Variants in GATAD2A observed in about 807,000 individuals in gnomAD.
GATAD2A encodes the protein transcriptional repressor p66-alpha.
In GATAD2A, 12 loss-of-function variants were observed where a neutral mutation model predicts 68.5. The ratio of observed to expected loss-of-function variants is 0.18; its 90% CI spans 0.11 to 0.28. The LOEUF (loss-of-function observed/expected upper bound fraction) is 0.28. GATAD2A is among the 10% of genes least tolerant of loss of function. The pLI is 1.00. For synonymous variants in GATAD2A, 410 were observed against 375.3 expected (o/e 1.09, Z -1.07); for missense variants, 755 against 868.5 (o/e 0.87, Z 1.64).
chr19:19,423,515 A>G (rs1286358942), intron 1 of GATAD2A, among the ~76,000 whole-genome samples: 1 of 152,238 alleles, frequency 6.6e-6, no homozygotes, highest in Non-Finnish European at 1.5e-5. Context: ...AGGCCCTGAG[A>G]ATCCTGGGCT....
chr19:19,401,044 G>A (rs1380931738), upstream of GATAD2A, among the ~76,000 whole-genome samples: 2 of 150,154 alleles, frequency 1.3e-5, no homozygotes, highest in African/African-American at 2.5e-5. Flanking sequence ...AGAGGCTGCG[G>A]CACAAGAATC....
At position 19,453,768 on chromosome 19, in the gene GATAD2A, C is replaced by T. The variant is rs1454873868; in HGVS notation, c.-6-11572C>T. 2.0e-5 allele frequency among the ~76,000 whole-genome samples: 3 copies of T among 152,022 alleles called. No individual in the cohort carries two copies. In the East Asian group the frequency reaches 5.8e-4, roughly 29 times the overall value. ...CTCAGCTCACTGCAACCTCCACCTC[C>T]TGGGTTCAAGCAGTTCTCCCGAGTA... On this transcript the variant is annotated intron_variant, in intron 1 of 11. Coordinates refer to ENST00000683918, the MANE Select transcript of GATAD2A (RefSeq NM_001384528.1).
At chr19:19,424,975 G>A (rs1053044265) in intron 1 of GATAD2A, among the ~76,000 whole-genome samples, 6 of 151,480 alleles carry the variant, frequency 4.0e-5, no homozygotes, top group African/African-American at 1.5e-4. Context: ...GTGTGGTGCA[G>A]TCATTGACAC....
Position 19,508,286 on chromosome 19 carries a change from C to T in GATAD2A, c.*2812C>T, listed in dbSNP as rs1345793835. 3 of 152,318 alleles carry T rather than the reference C, an allele frequency of 2.0e-5. No homozygotes were observed. The highest frequency in any genetic ancestry group is 7.2e-5 in the African/African-American group (3 of 41,448). 9.4% of individuals were successfully genotyped at this position (152,318 alleles called of 1,614,324 possible). On this transcript the variant is annotated 3_prime_UTR_variant, in exon 12 of 12. Transcript: ENST00000683918. ...TTGGAATGGCCAAGTGCCCTTGGAA[C>T]CTCCCACAGCTATGGCCGTCCTGAC...
intron 1 of GATAD2A, among the ~76,000 whole-genome samples, chr19:19,421,886 A>G (rs1044415593): frequency 6.6e-6 from 1 of 151,422 alleles, no homozygotes. Flanking sequence ...CAGTGGTGCA[A>G]TCTTGGCTCA....
rs1005946697 is a variant in GATAD2A, at chr19:19,506,048, C to T, written c.*574C>T. 1.2e-4 allele frequency: 49 copies of T among 398,740 alleles called. No individual in the cohort carries two copies. The highest frequency in any genetic ancestry group is 2.2e-4 in the Admixed American group (5 of 22,684). The allele number at this position is 398,740 out of a possible 1,614,324, so 24.7% of individuals were successfully genotyped here. A position where few individuals can be genotyped will look rare whatever the true frequency, so the allele number is the denominator to read the frequency against. ...TGCAGACCCTGGGGTCCCTGTTGTA[C>T]GCTGCATCATCCCGCTGGCCCTGTG... On this transcript the variant is annotated 3_prime_UTR_variant, in exon 12 of 12. Transcript: ENST00000683918.
At position 19,495,891 on chromosome 19, in the gene GATAD2A, C is replaced by G; in HGVS notation, c.756+6C>G. The stretch of plus-strand genomic sequence containing the variant: ...CACTCGTCAGGGGGGCTCAGGTAAG[C>G]AGGGCTGTGCACATGGGGGAGACCT... On this transcript the variant is annotated splice_donor_region_variant and intron_variant, in intron 6 of 11. Transcript: ENST00000683918. The G allele has an allele frequency of 6.2e-7, 1 of 1,609,588 alleles. No homozygotes were observed. The highest frequency in any genetic ancestry group is 8.5e-7 in the Non-Finnish European group (1 of 1,177,086).
rs778998755 is a variant in GATAD2A at position 19,502,385 on chromosome 19, A to G, written c.1633A>G (p.Thr545Ala). 3 of 1,613,708 alleles carry G rather than the reference A, an allele frequency of 1.9e-6. No homozygotes were observed. In the South Asian group the frequency reaches 3.3e-5, roughly 18 times the overall value. The part of the protein sequence containing the change: ...SATTPRGVLH[T>A]FSPSPKLQNS... Reference sequence around the variant, plus strand: ...CACGACGCCCCGAGGTGTCCTGCACACGTTCAGTCCGTCACCCAAACTGCA... The same window carrying G: ...CACGACGCCCCGAGGTGTCCTGCACGCGTTCAGTCCGTCACCCAAACTGCA... The change falls in exon 11 of 12, where the codon ACG (threonine) becomes GCG (alanine). Residue 545 changes from threonine to alanine, a missense_variant. Coordinates refer to ENST00000683918, the MANE Select transcript of GATAD2A (RefSeq NM_001384528.1).
intron 7 of GATAD2A, among the ~76,000 whole-genome samples, chr19:19,496,563 C>T (rs1395058496): frequency 6.6e-6 from 1 of 152,222 alleles, no homozygotes; most frequent in Non-Finnish European, 1.5e-5. Flanking sequence ...ATAGTCGAGG[C>T]CCAGGAGAGG....
intron 1 of GATAD2A, among the ~76,000 whole-genome samples, chr19:19,429,978 C>T (rs969588803): frequency 3.3e-5 from 5 of 152,040 alleles, no homozygotes; most frequent in Non-Finnish European, 7.4e-5. Context: ...GACTTCTTGG[C>T]GGCAGCTTGC....
At chr19:19,395,044 T>A (rs2049125100) in intron 1 of GATAD2A, among the ~76,000 whole-genome samples, 1 of 152,214 alleles carries the variant, frequency 6.6e-6, no homozygotes, top group African/African-American at 2.4e-5. Flanking sequence ...ACTGTGCATG[T>A]GACCAGGCTC....
intron 2 of GATAD2A, among the ~76,000 whole-genome samples, chr19:19,467,495 T>TA (rs2057963437): frequency 6.6e-6 from 1 of 152,212 alleles, no homozygotes; most frequent in South Asian, 2.1e-4. Flanking sequence ...TTTGGTACTT[T>TA]AAATAAGTGG....
At position 19,405,916 on chromosome 19, in the gene GATAD2A, C is replaced by T. The variant is rs1265856936; in HGVS notation, c.-110C>T. The T allele has an allele frequency of 6.9e-6, 1 of 145,890 alleles. No homozygotes were observed. The highest frequency in any genetic ancestry group is 1.5e-5 in the Non-Finnish European group (1 of 65,712). The allele number at this position is 145,890 out of a possible 1,614,324, so 9.0% of individuals were successfully genotyped here. A position where few individuals can be genotyped will look rare whatever the true frequency, so the allele number is the denominator to read the frequency against. Reference sequence around the variant, plus strand: ...CCACAGGCGGAACGAGCGCGCGCGGCCCGGCGTCCCCGGCCCCTCCGCCGC... The same window carrying T: ...CCACAGGCGGAACGAGCGCGCGCGGTCCGGCGTCCCCGGCCCCTCCGCCGC... On this transcript the variant is annotated 5_prime_UTR_variant, in exon 1 of 12. Transcript: ENST00000683918.
chr19:19,498,976 G>A (rs892559756), intron 8 of GATAD2A, among the ~76,000 whole-genome samples: 4 of 152,210 alleles, frequency 2.6e-5, no homozygotes, highest in African/African-American at 9.6e-5. Flanking sequence ...CGTGACGTTG[G>A]CGTGTGGTGG....
intron 1 of GATAD2A, chr19:19,464,649 T>C (rs1172905174): frequency 6.6e-6 from 1 of 152,460 alleles, no homozygotes; most frequent in African/African-American, 2.4e-5. Context: ...CAGCTGTTTT[T>C]TTCTTCTTTT....
chr19:19,419,291 G>A (rs190782714), intron 1 of GATAD2A, among the ~76,000 whole-genome samples: 28 of 152,274 alleles, frequency 1.8e-4, no homozygotes, highest in Middle Eastern at 3.4e-3. Flanking sequence ...CCCAGGCCGG[G>A]TAGTATTTGT....
At chr19:19,419,402 T>C (rs2052059795) in intron 1 of GATAD2A, among the ~76,000 whole-genome samples, 1 of 152,144 alleles carries the variant, frequency 6.6e-6, no homozygotes, top group South Asian at 2.1e-4. Context: ...TTTCCATGCC[T>C]TCTACAGCTG....
intron 1 of GATAD2A, chr19:19,440,547 C>T (rs571265010): frequency 1.6e-4 from 28 of 175,180 alleles, no homozygotes; most frequent in African/African-American, 5.0e-4. Flanking sequence ...TGTGAGCCAC[C>T]GTGCCCAGCC....
intron 1 of GATAD2A, among the ~76,000 whole-genome samples, chr19:19,411,573 C>G (rs886281985): frequency 2.6e-5 from 4 of 152,208 alleles, no homozygotes; most frequent in African/African-American, 9.7e-5. Context: ...ACTGACAGCT[C>G]TCCAGCCAGC....
Sources: allele counts gnomAD v4.1 joint callset (sites outside exome capture counted in the v4.1 genomes callset), GRCh38; gene constraint gnomAD v4.1.1; transcripts MANE v1.5; gene names NCBI Gene and HGNC (gene_info 2026-07-23, HGNC 2026-07-21).